Variants in IQGAP2 observed in about 807,000 individuals in gnomAD.
IQGAP2 encodes the protein ras GTPase-activating-like protein IQGAP2.
IQGAP2 carries 173 observed loss-of-function variants against 201.3 expected under a neutral mutation model. That is an observed-to-expected ratio of 0.86 (90% confidence interval 0.76 to 0.98). IQGAP2 has a LOEUF of 0.98. Among genes scored for constraint, IQGAP2 ranks in the 50% least tolerant of loss-of-function variants. The pLI, the probability that IQGAP2 is intolerant of heterozygous loss-of-function variation, is 0.00. For missense variants in IQGAP2, 1,687 were observed against 1,864.8 expected (o/e 0.90, Z 1.76); for synonymous variants, 675 against 673.9 (o/e 1.00, Z -0.03).
intron 2 of IQGAP2, among the ~76,000 whole-genome samples, chr5:76,470,255 T>C (rs1755031073): frequency 6.6e-6 from 1 of 152,226 alleles, no homozygotes; most frequent in African/African-American, 2.4e-5. Context: ...CTAGTCTTTT[T>C]GTAACCTATT....
intron 21 of IQGAP2, among the ~76,000 whole-genome samples, chr5:76,663,966 A>G (rs1227293352): frequency 6.6e-6 from 1 of 152,178 alleles, no homozygotes; most frequent in Non-Finnish European, 1.5e-5. Flanking sequence ...TATCCATTCC[A>G]CTCAAACTTT....
chr5:76,561,061 C>T (rs556196749), intron 2 of IQGAP2, among the ~76,000 whole-genome samples: 1 of 152,252 alleles, frequency 6.6e-6, no homozygotes, highest in African/African-American at 2.4e-5. Flanking sequence ...ACTGCACTTA[C>T]CCTTCTTGTG....
Position 76,606,199 on chromosome 5 carries a change from C to A in IQGAP2, c.1253C>A (p.Ser418Tyr), listed in dbSNP as rs373926073. The A allele has an allele frequency of 2.7e-5, 44 of 1,604,334 alleles. No homozygotes were observed. The highest frequency in any genetic ancestry group is 1.6e-4 in the Middle Eastern group (1 of 6,062). ...CACAGTTATGCAAACACACTACTCT[C>A]TGTTAAACTAGAAGTTTTATCCCAA... ...YVERYANTLL[S>Y]VKLEVLSQGQ... Residue 418 changes from serine to tyrosine, a missense_variant, in exon 12 of 36, where the codon TCT becomes TAT. Ser to Tyr is a moderately radical substitution (Grantham distance 144). Coordinates refer to ENST00000274364, the MANE Select transcript of IQGAP2 (RefSeq NM_006633.5).
At position 76,461,559 on chromosome 5, in the gene IQGAP2, T is replaced by A. The variant is rs750457925; in HGVS notation, c.47-11T>A. The A allele has an allele frequency of 6.3e-7, 1 of 1,597,186 alleles. No homozygotes were observed. The highest frequency in any genetic ancestry group is 8.6e-7 in the Non-Finnish European group (1 of 1,164,970). ...CTTTGTAAATCACATGTTGTTATCCTCTATTTCTAGCTATTGTGGACGATG... is the reference window on the plus strand; with the variant it reads ...CTTTGTAAATCACATGTTGTTATCCACTATTTCTAGCTATTGTGGACGATG... On this transcript the variant is annotated splice_polypyrimidine_tract_variant and intron_variant, in intron 1 of 35. Coordinates refer to ENST00000274364, the MANE Select transcript of IQGAP2 (RefSeq NM_006633.5).
chr5:76,641,254 A>C lies in IQGAP2; in HGVS notation c.2094+151A>C, dbSNP rs567891766. ...TCAGTGCCCCTAGTCTACTTCACTA[A>C]GGCTTTAAAATAGGAAGCATTTTGA... On this transcript the variant is annotated intron_variant, in intron 17 of 35. Coordinates refer to ENST00000274364, the MANE Select transcript of IQGAP2 (RefSeq NM_006633.5). 5.0e-4 allele frequency: 295 copies of C among 593,148 alleles called. 1 individual carries two copies. Among genetic ancestry groups the C allele is most frequent in the Non-Finnish European group, 7.6e-4 (266 of 348,334 alleles). 36.7% of individuals were successfully genotyped at this position (593,148 alleles called of 1,614,324 possible).
rs367911000 is a variant in IQGAP2, at chr5:76,617,616, G to A, written c.1521+6433G>A. 26 of 1,613,312 alleles carry A rather than the reference G, an allele frequency of 1.6e-5. No homozygotes were observed. In the African/African-American group the frequency reaches 3.5e-4, roughly 22 times the overall value. On this transcript the variant is annotated intron_variant, in intron 13 of 35. Transcript: ENST00000274364. ...AAGGTAAGCAGTGGAGTGATTTCTG[G>A]TTTTTGACATGAGAAAATAAAGGAA...
Position 76,674,765 on chromosome 5 carries a change from A to G in IQGAP2, c.3527+56A>G. On this transcript the variant is annotated intron_variant, in intron 27 of 35. Coordinates refer to ENST00000274364, the MANE Select transcript of IQGAP2 (RefSeq NM_006633.5). ...TGCAAGAATGGTAGGCAAGAATAATATGTGCTCTGTGCCCAGAGCTAGAGT... is the reference window on the plus strand; with the variant it reads ...TGCAAGAATGGTAGGCAAGAATAATGTGTGCTCTGTGCCCAGAGCTAGAGT... 2.3e-6 allele frequency: 3 copies of G among 1,279,236 alleles called. No homozygotes were observed. In the South Asian group the frequency reaches 3.6e-5, roughly 15 times the overall value. 79.2% of individuals were successfully genotyped at this position (1,279,236 alleles called of 1,614,324 possible). A position where few individuals can be genotyped will look rare whatever the true frequency, so the allele number is the denominator to read the frequency against.
chr5:76,444,610 T>G (rs552616855), intron 1 of IQGAP2, among the ~76,000 whole-genome samples: 4 of 152,236 alleles, frequency 2.6e-5, no homozygotes, highest in Non-Finnish European at 4.4e-5. Flanking sequence ...AAATTGTTAT[T>G]TTTTAACAAC....
At chr5:76,604,733 C>T (rs1747679597) in intron 11 of IQGAP2, among the ~76,000 whole-genome samples, 2 of 152,130 alleles carry the variant, frequency 1.3e-5, no homozygotes, top group East Asian at 1.9e-4. Flanking sequence ...TAATCCAAAT[C>T]GTTATTGTGG....
chr5:76,547,487 T>C (rs1190540103), intron 2 of IQGAP2: 6 of 893,862 alleles, frequency 6.7e-6, no homozygotes, highest in Non-Finnish European at 6.7e-6. Flanking sequence ...CTTGTTGCTT[T>C]CATTTTCCTG....
intron 1 of IQGAP2, among the ~76,000 whole-genome samples, chr5:76,428,409 G>A (rs995723229): frequency 6.6e-6 from 1 of 151,704 alleles, no homozygotes; most frequent in Non-Finnish European, 1.5e-5. Context: ...ACTGTTCTGC[G>A]CCAGGAGTTT....
intron 2 of IQGAP2, among the ~76,000 whole-genome samples, chr5:76,534,866 T>G (rs1414948647): frequency 2.0e-5 from 3 of 152,260 alleles, no homozygotes; most frequent in Non-Finnish European, 1.5e-5. Context: ...TAAACCCTCT[T>G]GTGTTTCTTT....
chr5:76,609,221 T>G, intron 12 of IQGAP2: 1 of 1,535,938 alleles, frequency 6.5e-7, no homozygotes, highest in Non-Finnish European at 8.7e-7. Flanking sequence ...TTGGATGGGG[T>G]GTTTTAAAGG....
At chr5:76,630,550 A>T (rs368452097) in intron 14 of IQGAP2, among the ~76,000 whole-genome samples, 1 of 152,136 alleles carries the variant, frequency 6.6e-6, no homozygotes, top group Non-Finnish European at 1.5e-5. Flanking sequence ...TCGATACTCA[A>T]TGATGATATA....
chr5:76,550,889 G>A (rs963206640), intron 2 of IQGAP2, among the ~76,000 whole-genome samples: 4 of 151,818 alleles, frequency 2.6e-5, no homozygotes, highest in East Asian at 1.9e-4. Flanking sequence ...ACGGGGTGGC[G>A]GCCGGGCAGA....
At chr5:76,501,467 G>A (rs148490510) in intron 2 of IQGAP2, among the ~76,000 whole-genome samples, 4 of 151,696 alleles carry the variant, frequency 2.6e-5, no homozygotes, top group Non-Finnish European at 5.9e-5. Context: ...TTTGAGAATC[G>A]GAACAGTATT....
At position 76,699,719 on chromosome 5, in the gene IQGAP2, T is replaced by TTCTCTCTCTC. The variant is rs557554396; in HGVS notation, c.4368-1348_4368-1339dup. ...TCATTTGCTTCAGGCTTCTCTCTGT[T>TTCTCTCTCTC]TCTCTCTCTCTCTCTCTCACTCTCA... On this transcript the variant is annotated intron_variant, in intron 33 of 35. Transcript: ENST00000274364. Among the ~76,000 whole-genome samples the TTCTCTCTCTC allele has an allele frequency of 8.3e-4, 17 of 20,458 alleles. 3 individuals carry two copies. Among genetic ancestry groups the TTCTCTCTCTC allele is most frequent in the African/African-American group, 1.8e-3 (7 of 3,860 alleles). 13.4% of individuals were successfully genotyped at this position (20,458 alleles called of 152,430 possible). A position where few individuals can be genotyped will look rare whatever the true frequency, so the allele number is the denominator to read the frequency against.
chr5:76,443,831 G>A (rs1753198559), intron 1 of IQGAP2, among the ~76,000 whole-genome samples: 1 of 152,144 alleles, frequency 6.6e-6, no homozygotes, highest in African/African-American at 2.4e-5. Flanking sequence ...GCAAACTCTA[G>A]TTTCATGAGA....
intron 1 of IQGAP2, chr5:76,441,518 T>C: frequency 6.1e-6 from 6 of 985,318 alleles, no homozygotes; most frequent in Non-Finnish European, 7.2e-6. Context: ...AGCATGTTGG[T>C]AAGAGAAGGT....
Sources: gnomAD v4.1 joint callset for allele counts (sites outside exome capture counted in the v4.1 genomes callset) on GRCh38, gnomAD v4.1.1 for gene constraint, MANE v1.5 for transcripts, NCBI Gene and HGNC (gene_info 2026-07-23, HGNC 2026-07-21) for gene names.